Variants in TIPIN observed in about 807,000 individuals in gnomAD.
TIPIN encodes the protein TIMELESS-interacting protein.
TIPIN carries 29 observed loss-of-function variants against 35.6 expected under a neutral mutation model. The ratio of observed to expected loss-of-function variants is 0.82; its 90% CI spans 0.61 to 1.11. The LOEUF (loss-of-function observed/expected upper bound fraction) is 1.11, where lower values mean the gene tolerates loss of function less well. TIPIN is among the 50% of genes most tolerant of loss of function. The pLI is 0.00. For missense variants in TIPIN, 296 were observed against 345.4 expected (o/e 0.86, Z 1.13); for synonymous variants, 102 against 121.5 (o/e 0.84, Z 1.06).
intron 2 of TIPIN, 144 bp downstream of exon 2, chr15:66,352,671 C>A: frequency 1.2e-6 from 1 of 826,498 alleles, no homozygotes; most frequent in East Asian, 3.0e-5. Context: ...TTAGTAGAGA[C>A]GGGATTTCAC....
chr15:66,358,257 G>T (rs1394375630), upstream of TIPIN, among the ~76,000 whole-genome samples: 1 of 152,128 alleles, frequency 6.6e-6, no homozygotes, highest in Non-Finnish European at 1.5e-5. Context: ...GATAGAGTGG[G>T]ATGGGAACTT....
At chr15:66,355,692 A>C (rs1449054793) in intron 1 of TIPIN, among the ~76,000 whole-genome samples, 1 of 152,124 alleles carries the variant, frequency 6.6e-6, no homozygotes, top group East Asian at 1.9e-4. Flanking sequence ...CGGAGCTTGC[A>C]GTGAGCCGAG....
chr15:66,357,941 G>A (rs1245204989), upstream of TIPIN, among the ~76,000 whole-genome samples: 3 of 151,682 alleles, frequency 2.0e-5, no homozygotes, highest in African/African-American at 7.3e-5. Flanking sequence ...GGGCGACGGA[G>A]CAAGACTCTG....
At chr15:66,340,659 C>T (rs2093080111) in intron 7 of TIPIN, among the ~76,000 whole-genome samples, 2 of 151,884 alleles carry the variant, frequency 1.3e-5, no homozygotes, top group Admixed American at 1.3e-4. Context: ...TGCAGTGGCA[C>T]GATCTTGGCT....
intron 1 of TIPIN, among the ~76,000 whole-genome samples, chr15:66,380,794 G>A (rs2093316155): frequency 6.6e-6 from 1 of 152,042 alleles, no homozygotes; most frequent in African/African-American, 2.4e-5. Context: ...CAGCCCAGGC[G>A]ACAGAGCAAG....
intron 1 of TIPIN, among the ~76,000 whole-genome samples, chr15:66,372,341 T>C (rs1188812315): frequency 1.3e-5 from 2 of 152,244 alleles, no homozygotes; most frequent in African/African-American, 4.8e-5. Context: ...CTTTCTTGTG[T>C]CTAGCTTCTA....
At chr15:66,360,634 A>G (rs2093226995), upstream of TIPIN, among the ~76,000 whole-genome samples, 1 of 152,212 alleles carries the variant, frequency 6.6e-6, no homozygotes, top group Admixed American at 6.6e-5. Context: ...GTTCAAGACC[A>G]GTCTGGCCAA....
At chr15:66,369,628 G>A (rs1437115074) in intron 1 of TIPIN, among the ~76,000 whole-genome samples, 1 of 152,138 alleles carries the variant, frequency 6.6e-6, no homozygotes, top group Admixed American at 6.5e-5. Flanking sequence ...GATTACAGGC[G>A]TGAGCCACCA....
At chr15:66,356,809 C>G (rs939235231), upstream of TIPIN, 38 of 833,912 alleles carry the variant, frequency 4.6e-5, no homozygotes, top group Non-Finnish European at 5.3e-5. Context: ...CCGCCCAGCA[C>G]GCCGGTCCCG....
intron 1 of TIPIN, among the ~76,000 whole-genome samples, chr15:66,383,328 T>C (rs1335523774): frequency 6.6e-6 from 1 of 151,902 alleles, no homozygotes; most frequent in Non-Finnish European, 1.5e-5. Context: ...AGTGGAGTGA[T>C]CTTGGCTCAC....
chr15:66,386,203 A>C (rs903149906), intron 1 of TIPIN, among the ~76,000 whole-genome samples: 3 of 152,062 alleles, frequency 2.0e-5, no homozygotes, highest in Admixed American at 1.3e-4. Flanking sequence ...GAGGCAGGAG[A>C]ATCGCTTGAA....
intron 6 of TIPIN, among the ~76,000 whole-genome samples, chr15:66,346,421 C>T (rs976323808): frequency 6.6e-6 from 1 of 151,982 alleles, no homozygotes; most frequent in Admixed American, 6.6e-5. Context: ...CTTCCTCTCA[C>T]CCCCAAATCA....
At chr15:66,367,584 G>A (rs2093261431) in intron 1 of TIPIN, among the ~76,000 whole-genome samples, 1 of 151,654 alleles carries the variant, frequency 6.6e-6, no homozygotes, top group African/African-American at 2.4e-5. Context: ...TAGTAGAGAT[G>A]GGATTTCACT....
intron 1 of TIPIN, chr15:66,379,812 C>T (rs535234783): frequency 5.6e-6 from 9 of 1,598,682 alleles, no homozygotes; most frequent in African/African-American, 2.7e-5. Flanking sequence ...GAAGTCCCTC[C>T]GCAGGGTTCC....
chr15:66,361,562 T>TAAAA (rs376136865), upstream of TIPIN, among the ~76,000 whole-genome samples: 8 of 133,784 alleles, frequency 6.0e-5, 1 homozygote, highest in East Asian at 4.3e-4. Context: ...ACCTGTAATT[T>TAAAA]AAAAAAAAAA....
intron 1 of TIPIN, among the ~76,000 whole-genome samples, chr15:66,375,313 T>G (rs550251664): frequency 1.4e-4 from 21 of 151,718 alleles, no homozygotes; most frequent in Admixed American, 1.4e-3. Context: ...TCATTGCAAA[T>G]GTCTTCTTTC....
At chr15:66,359,109 G>A (rs934555424), upstream of TIPIN, among the ~76,000 whole-genome samples, 2 of 149,998 alleles carry the variant, frequency 1.3e-5, no homozygotes, top group Non-Finnish European at 3.0e-5. Flanking sequence ...CCATGATCAT[G>A]CCACTGCACT....
At position 66,384,877 on chromosome 15, in the gene TIPIN, ACTCAAGC is replaced by A. The variant is rs2093330664; in HGVS notation, c.-9+1723_-9+1729del. Among the ~76,000 whole-genome samples, 5 of 152,118 alleles carry A rather than the reference ACTCAAGC, an allele frequency of 3.3e-5. No homozygotes were observed. In the South Asian group the frequency reaches 1.0e-3, roughly 32 times the overall value. The stretch of plus-strand genomic sequence containing the variant: ...CAATGAGCCAAGGTTGCGCCATTGC[ACTCAAGC>A]CTGGGCAAAAAGAGCAAAACGCCAC... On this transcript the variant is annotated intron_variant, in intron 1 of 7. Coordinates refer to the TIPIN transcript ENST00000562124.
chr15:66,366,887 T>C (rs1194928150), intron 1 of TIPIN: 1 of 984,294 alleles, frequency 1.0e-6, no homozygotes, highest in Admixed American at 6.2e-5. Context: ...AGTAATAAAA[T>C]TGGAAGCCCA....
Sources: allele counts gnomAD v4.1 joint callset (sites outside exome capture counted in the v4.1 genomes callset), GRCh38; gene constraint gnomAD v4.1.1; transcripts MANE v1.5; gene names NCBI Gene and HGNC (gene_info 2026-07-23, HGNC 2026-07-21).